The following ATP23 variants were observed in gnomAD, a reference collection of about 807,000 sequenced individuals.
The protein encoded by ATP23 is mitochondrial inner membrane protease ATP23 homolog.
A neutral mutation model predicts 28.5 loss-of-function variants in ATP23; 24 were observed. The ratio of observed to expected loss-of-function variants is 0.84; its 90% CI spans 0.61 to 1.18. The LOEUF (loss-of-function observed/expected upper bound fraction) is 1.18, where lower values mean the gene tolerates loss of function less well. ATP23 is among the 50% of genes most tolerant of loss of function. The probability of loss-of-function intolerance (pLI) is 0.00; values close to 1 mark genes in which losing one functional copy is unlikely to be tolerated. For missense variants in ATP23, 274 were observed against 306.4 expected (o/e 0.89, Z 0.79); for synonymous variants, 99 against 108.6 (o/e 0.91, Z 0.55).
chr12:57,957,066 T>C lies in ATP23; in HGVS notation c.*176T>C, dbSNP rs1196164464. ...TAACTATGGCAAAAAATGAAACTGC[T>C]TTAAACTCCAAGGCAGAAATTGTAT... On this transcript the variant is annotated 3_prime_UTR_variant, in exon 6 of 6. Coordinates refer to ENST00000300145, the MANE Select transcript of ATP23 (RefSeq NM_033276.4). 2.1e-6 allele frequency: 1 copy of C among 473,324 alleles called. No homozygotes were observed. The highest frequency in any genetic ancestry group is 2.0e-5 in the African/African-American group (1 of 49,684). 29.3% of individuals were successfully genotyped at this position (473,324 alleles called of 1,614,324 possible).
rs149359446 is a variant in ATP23 at position 57,948,911 on chromosome 12, G to A, written c.315+1835G>A. ...TACTTTGAATTTTATGTAGCATTTTGTAGTATTATGAAATTGTACAGTATA... is the reference window on the plus strand; with the variant it reads ...TACTTTGAATTTTATGTAGCATTTTATAGTATTATGAAATTGTACAGTATA... On this transcript the variant is annotated intron_variant, in intron 3 of 5. Transcript: ENST00000300145. Among the ~76,000 whole-genome samples, 682 of 152,288 alleles carry A rather than the reference G, an allele frequency of 4.5e-3. 41 individuals are homozygous for A. In the South Asian group the frequency reaches 0.12, roughly 27 times the overall value.
intron 2 of ATP23, 25 bp from the exon 3 acceptor site, chr12:57,946,970 A>G (rs199657873): frequency 3.2e-5 from 52 of 1,611,740 alleles, no homozygotes; most frequent in Non-Finnish European, 3.9e-5. Context: ...GTTTCTGGAC[A>G]TTGTCTCCTT....
chr12:57,942,241 A>T (rs1242411525), intron 1 of ATP23, among the ~76,000 whole-genome samples: 2 of 152,228 alleles, frequency 1.3e-5, no homozygotes, highest in African/African-American at 4.8e-5. Flanking sequence ...TAATTAAGGC[A>T]CACAAAGGCT....
Position 57,953,606 on chromosome 12 carries a change from G to A in ATP23, c.454G>A (p.Val152Ile), listed in dbSNP as rs1956835785. The A allele has an allele frequency of 1.9e-6, 3 of 1,613,948 alleles. No individual in the cohort carries two copies. Reference sequence around the variant, plus strand: ...TTTTTATTTGTCTTCTGTGTGATAGGTTCGAGCTGCTAACCTTAGTGGAGA... The same window carrying A: ...TTTTTATTTGTCTTCTGTGTGATAGATTCGAGCTGCTAACCTTAGTGGAGA... ...TNIRHLACSE[V>I]RAANLSGDCS... The change falls in exon 5 of 6, where the codon GTT becomes ATT. Residue 152 changes from valine (V) to isoleucine (I), a missense_variant and splice_region_variant. Transcript: ENST00000300145.
Position 57,956,990 on chromosome 12 carries a change from A to G in ATP23, c.*100A>G, listed in dbSNP as rs1956875331. 1 of 970,520 alleles carries G rather than the reference A, an allele frequency of 1.0e-6. No individual in the cohort carries two copies. Among genetic ancestry groups the G allele is most frequent in the Non-Finnish European group, 1.4e-6 (1 of 692,202 alleles). 60.1% of individuals were successfully genotyped at this position (970,520 alleles called of 1,614,324 possible). On this transcript the variant is annotated 3_prime_UTR_variant, in exon 6 of 6. Transcript: ENST00000300145. Reference sequence around the variant, plus strand: ...CATATAAAATGTAAACAATCCCTACAATCCAGATAAAACAGAGAAGACTGT... The same window carrying G: ...CATATAAAATGTAAACAATCCCTACGATCCAGATAAAACAGAGAAGACTGT...
intron 3 of ATP23, among the ~76,000 whole-genome samples, chr12:57,951,237 T>A (rs1956811329): frequency 6.6e-6 from 1 of 152,238 alleles, no homozygotes; most frequent in African/African-American, 2.4e-5. Flanking sequence ...TTCAGAAACT[T>A]GATAAGAAGT....
intron 3 of ATP23, 127 bp from the exon 4 acceptor site, chr12:57,951,631 G>C: frequency 9.9e-7 from 1 of 1,008,866 alleles, no homozygotes; most frequent in Non-Finnish European, 1.5e-6. Flanking sequence ...CAATGAAGAA[G>C]AGTGGGTAGA....
In ATP23 at chr12:57,953,663, C is replaced by T; in HGVS notation, c.511C>T (p.His171Tyr). ...CSLVNEIFRL[H>Y]FGLKQHHQTC... is the part of the protein sequence containing the mutation. ...ACTTGTCAATGAAATATTCAGGTTACATTTTGGATTAAAACAACACCACCA... is the reference window on the plus strand; with the variant it reads ...ACTTGTCAATGAAATATTCAGGTTATATTTTGGATTAAAACAACACCACCA... Residue 171 changes from histidine to tyrosine, a missense_variant, in exon 5 of 6, where the codon CAT becomes TAT. His to Tyr is a moderately conservative substitution (Grantham distance 83). Transcript: ENST00000300145. The T allele has an allele frequency of 6.2e-7, 1 of 1,614,092 alleles. No individual in the cohort carries two copies. The highest frequency in any genetic ancestry group is 1.1e-5 in the South Asian group (1 of 91,086).
At chr12:57,953,122 G>T (rs1424064972) in intron 4 of ATP23, among the ~76,000 whole-genome samples, 1 of 152,196 alleles carries the variant, frequency 6.6e-6, no homozygotes, top group African/African-American at 2.4e-5. Flanking sequence ...TTCGGGCAAG[G>T]GTTGGGAGGG....
At chr12:57,943,122 T>C (rs560235364) in intron 1 of ATP23, among the ~76,000 whole-genome samples, 1 of 152,288 alleles carries the variant, frequency 6.6e-6, no homozygotes, top group South Asian at 2.1e-4. Flanking sequence ...GAGAGAATGA[T>C]GATATTGTAT....
At chr12:57,955,280 G>GTTTTTTTT (rs71087605) in intron 5 of ATP23, among the ~76,000 whole-genome samples, 2,443 of 142,012 alleles carry the variant, frequency 0.017, 76 homozygotes, top group African/African-American at 0.056. Context: ...AATAGAGCAT[G>GTTTTTTTT]TTTTTTTTTT....
intron 3 of ATP23, among the ~76,000 whole-genome samples, chr12:57,951,545 G>T (rs756656840): frequency 1.3e-5 from 2 of 152,184 alleles, no homozygotes; most frequent in Admixed American, 1.3e-4. Flanking sequence ...GGAGAAGGGA[G>T]AAGTTAGTCA....
At position 57,957,828 on chromosome 12, in the gene ATP23, G is replaced by T. The variant is rs1049130146; in HGVS notation, c.*938G>T. Among the ~76,000 whole-genome samples the T allele has an allele frequency of 2.0e-5, 3 of 152,170 alleles. No individual in the cohort carries two copies. Among genetic ancestry groups the T allele is most frequent in the African/African-American group, 7.2e-5 (3 of 41,442 alleles). ...AAGAGCAGCGGGTAAAACTCCACAG[G>T]GAGAAGGACATCTCTAGCTGAACTT... On this transcript the variant is annotated 3_prime_UTR_variant, in exon 6 of 6. Transcript: ENST00000300145.
chr12:57,954,468 G>A (rs950618643), intron 5 of ATP23, among the ~76,000 whole-genome samples: 1 of 152,184 alleles, frequency 6.6e-6, no homozygotes, highest in South Asian at 2.1e-4. Context: ...GCACAGACTT[G>A]AGTATGATGA....
chr12:57,946,922 C>T, intron 2 of ATP23, 73 bp from the exon 3 acceptor site: 1 of 1,334,628 alleles, frequency 7.5e-7, no homozygotes, highest in Non-Finnish European at 1.1e-6. Flanking sequence ...GGAGGGTCTC[C>T]TGAGCCCTGG....
At chr12:57,949,507 T>G (rs1956794723) in intron 3 of ATP23, among the ~76,000 whole-genome samples, 1 of 152,126 alleles carries the variant, frequency 6.6e-6, no homozygotes, top group Admixed American at 6.5e-5. Flanking sequence ...AAAAAAAGTT[T>G]TTTTGGGACA....
In ATP23 at chr12:57,958,778, A is replaced by G. The variant is rs1956891991; in HGVS notation, c.*1888A>G. On this transcript the variant is annotated 3_prime_UTR_variant, in exon 6 of 6. Transcript: ENST00000300145. ...CTTCCCTTTGACAGAGACTACCCAA[A>G]TGAGAAGGAACCAGAAAACTAACCC... Among the ~76,000 whole-genome samples the G allele has an allele frequency of 6.6e-6, 1 of 152,242 alleles. No homozygotes were observed. Among genetic ancestry groups the G allele is most frequent in the Non-Finnish European group, 1.5e-5 (1 of 68,048 alleles).
intron 4 of ATP23, 70 bp from the exon 5 acceptor site, chr12:57,953,536 A>G: frequency 7.9e-7 from 1 of 1,268,448 alleles, no homozygotes; most frequent in African/African-American, 1.5e-5. Flanking sequence ...ATTTTTAAAA[A>G]TTGGTTGATA....
At chr12:57,943,411 G>A (rs1416215702) in intron 1 of ATP23, among the ~76,000 whole-genome samples, 2 of 152,154 alleles carry the variant, frequency 1.3e-5, no homozygotes, top group African/African-American at 4.8e-5. Flanking sequence ...TGGGTACGGT[G>A]GCTCATGCCT....
Sources: allele counts gnomAD v4.1 joint callset (sites outside exome capture counted in the v4.1 genomes callset), GRCh38; gene constraint gnomAD v4.1.1; transcripts MANE v1.5; gene names NCBI Gene and HGNC (gene_info 2026-07-23, HGNC 2026-07-21).